Variants in HDAC4 observed in about 807,000 individuals in gnomAD.
HDAC4 encodes histone deacetylase A.
Under a neutral mutation model 135.1 loss-of-function variants are expected in HDAC4, and 16 were observed. That is an observed-to-expected ratio of 0.12 (90% confidence interval 0.08 to 0.18). The LOEUF (loss-of-function observed/expected upper bound fraction) is 0.18, where lower values mean the gene tolerates loss of function less well. Among genes scored for constraint, HDAC4 ranks in the 10% least tolerant of loss-of-function variants. The probability of loss-of-function intolerance (pLI) is 1.00; values close to 1 mark genes in which losing one functional copy is unlikely to be tolerated. For missense variants in HDAC4, 1,143 were observed against 1,511.8 expected, an observed-to-expected ratio of 0.76 and a Z score of 4.05; for synonymous variants, 685 against 653.4, an observed-to-expected ratio of 1.05 and a Z score of -0.74.
At chr2:239,264,121 G>C (rs1158869248) in intron 2 of HDAC4, among the ~76,000 whole-genome samples, 1 of 152,212 alleles carries the variant, frequency 6.6e-6, no homozygotes, top group Non-Finnish European at 1.5e-5. Flanking sequence ...CGGGGAGCTC[G>C]TGGGGAGACG....
chr2:239,395,635 T>C (rs1345535665), intron 1 of HDAC4, among the ~76,000 whole-genome samples: 1 of 152,220 alleles, frequency 6.6e-6, no homozygotes, highest in Non-Finnish European at 1.5e-5. Context: ...TCACCTCTGA[T>C]GGTTACCTTA....
intron 2 of HDAC4, among the ~76,000 whole-genome samples, chr2:239,305,141 C>G (rs1232726070): frequency 6.6e-6 from 1 of 152,226 alleles, no homozygotes; most frequent in Admixed American, 6.5e-5. Flanking sequence ...TCTTCAAATG[C>G]AGATGACAAA....
At chr2:239,289,949 TTTA>T (rs1473417090) in intron 2 of HDAC4, among the ~76,000 whole-genome samples, 2 of 152,240 alleles carry the variant, frequency 1.3e-5, no homozygotes, top group Non-Finnish European at 2.9e-5. Flanking sequence ...CATCGTGATC[TTTA>T]CTCACCATTT....
At chr2:239,268,111 A>AT (rs551510120) in intron 2 of HDAC4, among the ~76,000 whole-genome samples, 1 of 152,154 alleles carries the variant, frequency 6.6e-6, no homozygotes, top group South Asian at 2.1e-4. Context: ...CTTGGTTGTA[A>AT]TTTTTTTTAT....
intron 13 of HDAC4, among the ~76,000 whole-genome samples, 184 bp downstream of exon 13, chr2:239,114,869 C>T (rs543273276): frequency 4.5e-4 from 68 of 152,256 alleles, no homozygotes; most frequent in African/African-American, 8.9e-4. Flanking sequence ...TCCCTAGGAA[C>T]GGCTGGGACA....
At chr2:239,079,755 C>T (rs74902277) in intron 22 of HDAC4, among the ~76,000 whole-genome samples, 4,521 of 152,072 alleles carry the variant, frequency 0.03, 97 homozygotes, top group South Asian at 0.054. Flanking sequence ...TGCACACACA[C>T]ACAGAGATAT....
chr2:239,190,964 T>G (rs1328406393), intron 3 of HDAC4: 1 of 466,082 alleles, frequency 2.1e-6, no homozygotes, highest in Non-Finnish European at 4.4e-6. Flanking sequence ...GCATGCAGTG[T>G]GTGCAGGCAC....
At chr2:239,296,665 C>T (rs781571237) in intron 2 of HDAC4, among the ~76,000 whole-genome samples, 15 of 152,024 alleles carry the variant, frequency 9.9e-5, no homozygotes, top group Non-Finnish European at 1.8e-4. Flanking sequence ...AATAACAAAC[C>T]GAGGCAGCAC....
chr2:239,191,568 G>A (rs555380004), intron 3 of HDAC4, among the ~76,000 whole-genome samples: 26 of 152,346 alleles, frequency 1.7e-4, no homozygotes, highest in African/African-American at 5.5e-4. Flanking sequence ...AGAAAAGGGT[G>A]GGAAATGCTT....
intron 2 of HDAC4, among the ~76,000 whole-genome samples, chr2:239,281,894 A>G (rs1487335959): frequency 1.4e-5 from 2 of 145,718 alleles, no homozygotes; most frequent in African/African-American, 5.2e-5. Context: ...TGTACATACC[A>G]CTCTACAATG....
At chr2:239,113,448 G>C (rs370710804) in intron 13 of HDAC4, among the ~76,000 whole-genome samples, 11 of 152,200 alleles carry the variant, frequency 7.2e-5, no homozygotes, top group African/African-American at 1.9e-4. Context: ...TCCCCGACGC[G>C]GGCTGGAGGT....
At chr2:239,314,799 G>A (rs1224129515) in intron 2 of HDAC4, among the ~76,000 whole-genome samples, 1 of 152,174 alleles carries the variant, frequency 6.6e-6, no homozygotes, top group Non-Finnish European at 1.5e-5. Flanking sequence ...ACACACATCT[G>A]TAAACCAAAA....
chr2:239,281,791 TACACCACTCTACAATGTAC>T (rs1252028907), intron 2 of HDAC4, among the ~76,000 whole-genome samples: 96 of 118,250 alleles, frequency 8.1e-4, no homozygotes, highest in African/African-American at 3.0e-3. Context: ...ACACAATATA[TACACCACTCTACAATGTAC>T]ACACCACTCT....
At chr2:239,082,581 G>A (rs540827456) in intron 20 of HDAC4, among the ~76,000 whole-genome samples, 67 of 152,344 alleles carry the variant, frequency 4.4e-4, no homozygotes, top group African/African-American at 1.3e-3. Flanking sequence ...TACACCTGCC[G>A]TGTCTCTGAC....
In HDAC4 at chr2:239,309,744, C is replaced by T. The variant is rs992595787; in HGVS notation, c.22+42934G>A. 1.3e-5 allele frequency among the ~76,000 whole-genome samples: 2 copies of T among 152,238 alleles called. No homozygotes were observed. The highest frequency in any genetic ancestry group is 4.8e-5 in the African/African-American group (2 of 41,478). The stretch of plus-strand genomic sequence containing the variant: ...CCTCAAGGGAGGCAATCCCCCCACA[C>T]ACCATCCCCTTCCCCTTCGCTCATC... On this transcript the variant is annotated intron_variant, in intron 2 of 26. Coordinates refer to ENST00000543185, the MANE Select transcript of HDAC4 (RefSeq NM_001378414.1). The surrounding 1 kb of genome is among the most constrained non-coding windows in gnomAD (Gnocchi z 4.2).
chr2:239,088,297 T>C (rs74000650), intron 18 of HDAC4, among the ~76,000 whole-genome samples: 1 of 152,334 alleles, frequency 6.6e-6, no homozygotes, highest in African/African-American at 2.4e-5. Context: ...TCAAGGTCTG[T>C]AATGAAGCCT....
At chr2:239,263,534 G>A (rs1189788100) in intron 2 of HDAC4, among the ~76,000 whole-genome samples, 3 of 152,204 alleles carry the variant, frequency 2.0e-5, no homozygotes, top group Non-Finnish European at 4.4e-5. Context: ...TGCCCAACGG[G>A]TATTGCTAGG....
intron 3 of HDAC4, among the ~76,000 whole-genome samples, chr2:239,224,251 T>C (rs959064654): frequency 4.6e-5 from 7 of 152,172 alleles, no homozygotes; most frequent in African/African-American, 1.4e-4. Context: ...ATTTTCTACA[T>C]TCCCACTCCA....
intron 1 of HDAC4, among the ~76,000 whole-genome samples, chr2:239,385,762 G>T (rs1695755606): frequency 6.6e-6 from 1 of 152,232 alleles, no homozygotes. Context: ...TCACAAAGGG[G>T]ACAGGAGGCC....
Sources: gnomAD v4.1 joint callset for allele counts (sites outside exome capture counted in the v4.1 genomes callset) on GRCh38, gnomAD v4.1.1 for gene constraint, Gnocchi (gnomAD v3.1) non-coding constraint, MANE v1.5 for transcripts, NCBI Gene and HGNC (gene_info 2026-07-23, HGNC 2026-07-21) for gene names.